The following AMBRA1 variants were observed in gnomAD, a reference collection of about 807,000 sequenced individuals.
AMBRA1 encodes activating molecule in BECN1-regulated autophagy protein 1.
In AMBRA1, 47 loss-of-function variants were observed where a neutral mutation model predicts 125.4. The ratio of observed to expected loss-of-function variants is 0.37; its 90% CI spans 0.30 to 0.48. The LOEUF (loss-of-function observed/expected upper bound fraction) is 0.48, where lower values mean the gene tolerates loss of function less well. AMBRA1 is among the 20% of genes least tolerant of loss of function. The pLI, the probability that AMBRA1 is intolerant of heterozygous loss-of-function variation, is 0.99. For synonymous variants in AMBRA1, 626 were observed against 655.5 expected (o/e 0.95, Z 0.69); for missense variants, 1,331 against 1,693.4 (o/e 0.79, Z 3.76).
At chr11:46,555,374 G>T (rs1472703259) in intron 1 of AMBRA1, among the ~76,000 whole-genome samples, 1 of 152,042 alleles carries the variant, frequency 6.6e-6, no homozygotes, top group African/African-American at 2.4e-5. Flanking sequence ...ACGACTTTGG[G>T]GATACTTAAC....
chr11:46,589,977 G>A (rs1356513536), intron 1 of AMBRA1, among the ~76,000 whole-genome samples: 1 of 151,998 alleles, frequency 6.6e-6, no homozygotes, highest in African/African-American at 2.4e-5. Context: ...GGACCAAAAT[G>A]TTTGGATTTG....
chr11:46,590,248 G>C (rs975087942), intron 1 of AMBRA1, among the ~76,000 whole-genome samples: 2 of 151,802 alleles, frequency 1.3e-5, no homozygotes, highest in African/African-American at 4.8e-5. Flanking sequence ...GTGCGCACCT[G>C]TAGTCCACTT....
intron 9 of AMBRA1, among the ~76,000 whole-genome samples, chr11:46,505,060 G>T (rs1297868733): frequency 1.3e-5 from 2 of 152,196 alleles, no homozygotes; most frequent in African/African-American, 4.8e-5. Flanking sequence ...AGAGCATGAA[G>T]TGCTGAGAAG....
At chr11:46,585,618 A>G (rs2044343673) in intron 1 of AMBRA1, among the ~76,000 whole-genome samples, 1 of 113,942 alleles carries the variant, frequency 8.8e-6, no homozygotes, top group Admixed American at 1.0e-4. Context: ...GTGAGCTGAG[A>G]TCACGCCACT....
intron 1 of AMBRA1, among the ~76,000 whole-genome samples, chr11:46,568,892 C>T (rs552664364): frequency 6.1e-4 from 92 of 150,146 alleles, no homozygotes; most frequent in African/African-American, 2.2e-3. Flanking sequence ...CTGCAACCTC[C>T]GCCTCCCAGG....
intron 14 of AMBRA1, 125 bp from the exon 15 acceptor site, chr11:46,418,177 T>A (rs912893427): frequency 4.0e-5 from 29 of 727,794 alleles, no homozygotes; most frequent in Middle Eastern, 9.3e-4. Context: ...GGGAACAGGA[T>A]GACTCTTTTT....
chr11:46,583,392 A>C (rs902397002), intron 1 of AMBRA1, among the ~76,000 whole-genome samples: 7 of 151,886 alleles, frequency 4.6e-5, no homozygotes, highest in Non-Finnish European at 7.4e-5. Context: ...TAAAACCATA[A>C]AAACGCTAGA....
intron 16 of AMBRA1, among the ~76,000 whole-genome samples, chr11:46,409,462 T>C (rs534315258): frequency 2.0e-4 from 31 of 152,302 alleles, no homozygotes; most frequent in Middle Eastern, 3.4e-3. Context: ...CCTCCCAAAG[T>C]GCTGGGATTA....
chr11:46,448,022 A>G (rs1196441024), intron 11 of AMBRA1, among the ~76,000 whole-genome samples: 4 of 152,230 alleles, frequency 2.6e-5, no homozygotes, highest in Admixed American at 2.0e-4. Flanking sequence ...ACTACTACTT[A>G]CATCAGCATC....
chr11:46,581,044 T>G (rs1015427203), intron 1 of AMBRA1, among the ~76,000 whole-genome samples: 1 of 152,022 alleles, frequency 6.6e-6, no homozygotes, highest in Non-Finnish European at 1.5e-5. Context: ...TCCACCCGCC[T>G]CAGCCTCCCA....
rs555410244 is a variant in AMBRA1 at position 46,400,991 on chromosome 11, C to A, written c.3404-3048G>T. On this transcript the variant is annotated intron_variant, in intron 17 of 17. Coordinates refer to ENST00000683756, the MANE Select transcript of AMBRA1 (RefSeq NM_001387011.1). ...TCAACCCCATCTTCAGGTTTTAAAG[C>A]CTTCTAACAGTGGGGCAGAAGGTAA... 2.0e-5 allele frequency among the ~76,000 whole-genome samples: 3 copies of A among 152,280 alleles called. No homozygotes were observed. In the South Asian group the frequency reaches 6.2e-4, roughly 32 times the overall value.
chr11:46,540,784 T>C (rs1179137732), intron 7 of AMBRA1, among the ~76,000 whole-genome samples: 1 of 152,242 alleles, frequency 6.6e-6, no homozygotes, highest in African/African-American at 2.4e-5. Context: ...TTTGCTCATC[T>C]ATACTTTTGA....
At chr11:46,480,762 C>T (rs1258090172) in intron 11 of AMBRA1, among the ~76,000 whole-genome samples, 1 of 152,140 alleles carries the variant, frequency 6.6e-6, no homozygotes, top group Non-Finnish European at 1.5e-5. Flanking sequence ...AAAATATATA[C>T]ATACTGCAAG....
intron 17 of AMBRA1, among the ~76,000 whole-genome samples, chr11:46,400,034 C>T (rs946209025): frequency 5.9e-5 from 9 of 152,112 alleles, no homozygotes; most frequent in African/African-American, 9.7e-5. Flanking sequence ...ACTTGGTCAA[C>T]GGTGCCTGTT....
At chr11:46,423,757 A>AT (rs538298573) in intron 14 of AMBRA1, among the ~76,000 whole-genome samples, 4,400 of 98,852 alleles carry the variant, frequency 0.045, 181 homozygotes, top group African/African-American at 0.054. Flanking sequence ...CAGTGCACCC[A>AT]TTTTTTTTTT....
chr11:46,420,743 A>C lies in AMBRA1; in HGVS notation c.2977-2691T>G, dbSNP rs574647249. On this transcript the variant is annotated intron_variant, in intron 14 of 17. Coordinates refer to ENST00000683756, the MANE Select transcript of AMBRA1 (RefSeq NM_001387011.1). ...TAAGGAGGGATGAGGGTTAACCTCAATGGGTGCATGAGGGGAGCACCTTGG... is the reference window on the plus strand; with the variant it reads ...TAAGGAGGGATGAGGGTTAACCTCACTGGGTGCATGAGGGGAGCACCTTGG... Among the ~76,000 whole-genome samples, 3 of 152,290 alleles carry C rather than the reference A, an allele frequency of 2.0e-5. No individual in the cohort carries two copies. In the South Asian group the frequency reaches 6.2e-4, roughly 32 times the overall value.
intron 17 of AMBRA1, among the ~76,000 whole-genome samples, chr11:46,403,216 T>C (rs894373603): frequency 6.6e-6 from 1 of 152,224 alleles, no homozygotes; most frequent in African/African-American, 2.4e-5. Context: ...AGAGATTTCA[T>C]TGCCAGAAGA....
intron 13 of AMBRA1, 140 bp downstream of exon 13, chr11:46,434,709 A>G: frequency 1.1e-6 from 1 of 921,598 alleles, no homozygotes; most frequent in Admixed American, 3.4e-5. Context: ...CTGCAAAGCA[A>G]TCTTTCTCTG....
chr11:46,429,975 G>C (rs961580040), intron 14 of AMBRA1, among the ~76,000 whole-genome samples: 2 of 151,998 alleles, frequency 1.3e-5, no homozygotes, highest in African/African-American at 4.8e-5. Flanking sequence ...TGGAGGAATC[G>C]CAAATGGACA....
Sources: gnomAD v4.1 joint callset for allele counts (sites outside exome capture counted in the v4.1 genomes callset) on GRCh38, gnomAD v4.1.1 for gene constraint, MANE v1.5 for transcripts, NCBI Gene and HGNC (gene_info 2026-07-23, HGNC 2026-07-21) for gene names.